The following DLC1 variants were observed in gnomAD, a reference collection of about 807,000 sequenced individuals.
The protein encoded by DLC1 is DLC1 Rho GTPase activating protein, also known as rho GTPase-activating protein 7.
A neutral mutation model predicts 140.3 loss-of-function variants in DLC1; 54 were observed. That is an observed-to-expected ratio of 0.38 (90% CI 0.31 to 0.48). The LOEUF is 0.48. Among genes scored for constraint, DLC1 ranks in the 20% least tolerant of loss-of-function variants. The pLI, the probability that DLC1 is intolerant of heterozygous loss-of-function variation, is 0.96. For synonymous variants in DLC1, 986 were observed against 728.1 expected (o/e 1.35, Z -5.70); for missense variants, 2,536 against 1,907.0 (o/e 1.33, Z -6.14).
At chr8:13,106,201 A>G (rs978360418) in intron 7 of DLC1, among the ~76,000 whole-genome samples, 1 of 152,214 alleles carries the variant, frequency 6.6e-6, no homozygotes, top group East Asian at 1.9e-4. Context: ...CATTGTATTA[A>G]AAGTAAAAAC....
intron 5 of DLC1, among the ~76,000 whole-genome samples, chr8:13,120,356 A>AAAAAAAATATATAT: frequency 1.6e-5 from 1 of 61,136 alleles, no homozygotes; most frequent in Middle Eastern, 0.012. Flanking sequence ...AAAAAAAAAA[A>AAAAAAAATATATAT]ATATATATAT....
chr8:13,516,529 A>G (rs1477269982), upstream of DLC1, among the ~76,000 whole-genome samples: 1 of 152,172 alleles, frequency 6.6e-6, no homozygotes, highest in Non-Finnish European at 1.5e-5. Context: ...CAAATCATGA[A>G]CCATATTAGA....
chr8:13,352,051 A>G (rs1586188027), intron 4 of DLC1, among the ~76,000 whole-genome samples: 2 of 152,344 alleles, frequency 1.3e-5, no homozygotes, highest in East Asian at 3.9e-4. Context: ...TCTATTTAAA[A>G]TAACATTTAT....
chr8:13,388,401 C>T (rs1394288092), intron 4 of DLC1, among the ~76,000 whole-genome samples: 1 of 151,860 alleles, frequency 6.6e-6, no homozygotes, highest in Non-Finnish European at 1.5e-5. Context: ...AACTCCTATC[C>T]CAGACACAAG....
intron 4 of DLC1, among the ~76,000 whole-genome samples, chr8:13,376,866 C>G (rs1458684379): frequency 2.0e-5 from 3 of 152,108 alleles, no homozygotes; most frequent in Non-Finnish European, 2.9e-5. Context: ...GGTCAGGATT[C>G]TTCACCTGTT....
chr8:13,528,551 G>A (rs982360724), intron 1 of DLC1, among the ~76,000 whole-genome samples: 1 of 152,052 alleles, frequency 6.6e-6, no homozygotes, highest in African/African-American at 2.4e-5. Context: ...TCCTATTGCG[G>A]AATAAAATAT....
At chr8:13,555,630 T>G (rs1325334194) in intron 1 of DLC1, among the ~76,000 whole-genome samples, 2 of 151,924 alleles carry the variant, frequency 1.3e-5, no homozygotes, top group East Asian at 3.9e-4. Context: ...TAGCTGAGAC[T>G]ACAGGTGCCC....
chr8:13,573,320 C>G (rs1023495326), intron 1 of DLC1, among the ~76,000 whole-genome samples: 3 of 152,144 alleles, frequency 2.0e-5, no homozygotes, highest in Non-Finnish European at 2.9e-5. Flanking sequence ...TTGTATACTG[C>G]AACTTTGCTG....
At chr8:13,296,781 C>T (rs1288706762) in intron 5 of DLC1, among the ~76,000 whole-genome samples, 2 of 151,660 alleles carry the variant, frequency 1.3e-5, no homozygotes, top group Non-Finnish European at 2.9e-5. Flanking sequence ...TCACAGAAAA[C>T]ATGAAATGCC....
exon 1 of DLC1, chr8:13,604,560 C>T (rs891319328): frequency 3.9e-5 from 6 of 152,062 alleles, no homozygotes; most frequent in African/African-American, 1.4e-4. Context: ...TGTGTTATTC[C>T]AAAGCAGAGT....
intron 5 of DLC1, among the ~76,000 whole-genome samples, chr8:13,302,848 G>T (rs1383294905): frequency 1.3e-5 from 2 of 151,788 alleles, no homozygotes; most frequent in Non-Finnish European, 2.9e-5. Flanking sequence ...AGCTTACAGA[G>T]ATTCATAAAG....
At chr8:13,199,326 G>T (rs1301751622) in intron 5 of DLC1, among the ~76,000 whole-genome samples, 2 of 151,596 alleles carry the variant, frequency 1.3e-5, no homozygotes, top group Non-Finnish European at 2.9e-5. Context: ...TGGGAATACA[G>T]GCATGCACCA....
At chr8:13,496,945 C>G (rs1039694379) in intron 2 of DLC1, among the ~76,000 whole-genome samples, 1 of 151,596 alleles carries the variant, frequency 6.6e-6, no homozygotes, top group Non-Finnish European at 1.5e-5. Context: ...GGACTATAGG[C>G]GCCTGCCACC....
intron 5 of DLC1, among the ~76,000 whole-genome samples, chr8:13,172,748 C>T (rs930328260): frequency 6.6e-6 from 1 of 152,162 alleles, no homozygotes; most frequent in Non-Finnish European, 1.5e-5. Context: ...TCAGTAGCTT[C>T]GCTGATCTAA....
intron 1 of DLC1, among the ~76,000 whole-genome samples, chr8:13,570,694 A>G (rs1026182173): frequency 2.6e-5 from 4 of 151,582 alleles, no homozygotes; most frequent in Non-Finnish European, 4.4e-5. Context: ...CCAGTCTATG[A>G]TTGTTGGACA....
Position 13,090,588 on chromosome 8 carries a change from C to G in DLC1, c.3856-118G>C, listed in dbSNP as rs534748936. The G allele has an allele frequency of 1.9e-5, 23 of 1,195,628 alleles. No individual in the cohort carries two copies. In the Admixed American group the frequency reaches 2.2e-4, roughly 12 times the overall value. The allele number at this position is 1,195,628 out of a possible 1,614,324, so 74.1% of individuals were successfully genotyped here. ...CTGGTCCTTAAAGCAGTGCAGGCAT[C>G]TTCCCGCCGGAGGTGGGCTATCATG... On this transcript the variant is annotated intron_variant, in intron 14 of 17. Transcript: ENST00000276297.
intron 1 of DLC1, among the ~76,000 whole-genome samples, chr8:13,512,976 T>A: frequency 6.6e-6 from 1 of 151,680 alleles, no homozygotes; most frequent in Admixed American, 6.6e-5. Context: ...CTTTTTTTTT[T>A]TTTTTTTTTA....
chr8:13,448,186 T>G (rs1798873470), intron 2 of DLC1, among the ~76,000 whole-genome samples: 1 of 152,146 alleles, frequency 6.6e-6, no homozygotes, highest in Non-Finnish European at 1.5e-5. Context: ...CTGCCATTTG[T>G]TCTGTTCATG....
chr8:13,399,610 G>C (rs1458640284), intron 3 of DLC1, among the ~76,000 whole-genome samples: 1 of 152,156 alleles, frequency 6.6e-6, no homozygotes, highest in Non-Finnish European at 1.5e-5. Context: ...CACTCTGAGT[G>C]CCTGGGTAAA....
Sources: allele counts gnomAD v4.1 joint callset (sites outside exome capture counted in the v4.1 genomes callset), GRCh38; gene constraint gnomAD v4.1.1; transcripts MANE v1.5; gene names NCBI Gene and HGNC (gene_info 2026-07-23, HGNC 2026-07-21).